SMYD3: variants seen among roughly 807,000 people sequenced by gnomAD.
SMYD3 encodes SET and MYND domain containing 3.
SMYD3 carries 36 observed loss-of-function variants against 57.7 expected under a neutral mutation model. The observed-to-expected ratio is 0.62, with a 90% confidence interval of 0.48 to 0.82. The LOEUF is 0.82. Ranked by LOEUF, SMYD3 falls within the 40% of genes least tolerant of loss-of-function variation. The pLI is 0.00. For synonymous variants in SMYD3, 211 were observed against 195.0 expected (o/e 1.08, Z -0.68); for missense variants, 515 against 538.8 (o/e 0.96, Z 0.44).
intron 5 of SMYD3, among the ~76,000 whole-genome samples, chr1:246,064,516 T>A (rs1343812295): frequency 6.6e-6 from 1 of 152,006 alleles, no homozygotes; most frequent in Non-Finnish European, 1.5e-5. Flanking sequence ...ACACAAATCT[T>A]CCCCAGATAT....
chr1:246,323,227 A>G (rs2065279972), intron 5 of SMYD3, among the ~76,000 whole-genome samples: 1 of 152,224 alleles, frequency 6.6e-6, no homozygotes, highest in Non-Finnish European at 1.5e-5. Flanking sequence ...CTATATAGAA[A>G]ACTCCACAAT....
At chr1:245,998,108 A>C (rs1173384190) in intron 5 of SMYD3, among the ~76,000 whole-genome samples, 2 of 152,060 alleles carry the variant, frequency 1.3e-5, no homozygotes, top group Admixed American at 1.3e-4. Flanking sequence ...AGATTCCAAA[A>C]TGTACAGTCA....
intron 5 of SMYD3, among the ~76,000 whole-genome samples, chr1:246,297,314 T>G (rs576604041): frequency 6.6e-6 from 1 of 152,104 alleles, no homozygotes; most frequent in Non-Finnish European, 1.5e-5. Context: ...CAACAATATA[T>G]GCCTCAGAGG....
intron 5 of SMYD3, among the ~76,000 whole-genome samples, chr1:246,147,995 G>A (rs929220009): frequency 1.3e-5 from 2 of 152,088 alleles, no homozygotes; most frequent in African/African-American, 2.4e-5. Context: ...TCTGATCTCC[G>A]ACCGGGGTTG....
chr1:245,836,633 C>A (rs541268714), intron 10 of SMYD3, among the ~76,000 whole-genome samples: 66 of 152,318 alleles, frequency 4.3e-4, no homozygotes, highest in Middle Eastern at 3.4e-3. Context: ...TGAAAGCTGG[C>A]CTTGCTTGTG....
intron 5 of SMYD3, among the ~76,000 whole-genome samples, chr1:246,079,228 A>G (rs183041292): frequency 1.3e-4 from 20 of 152,296 alleles, no homozygotes; most frequent in African/African-American, 4.6e-4. Flanking sequence ...CTTCATCCCA[A>G]TGAAGCTGAT....
intron 5 of SMYD3, among the ~76,000 whole-genome samples, chr1:246,134,830 T>G (rs1461822703): frequency 1.3e-5 from 2 of 151,986 alleles, no homozygotes; most frequent in African/African-American, 2.4e-5. Context: ...GACTCATTTT[T>G]AATTTCCACT....
intron 1 of SMYD3, among the ~76,000 whole-genome samples, chr1:246,482,812 C>T (rs915918822): frequency 3.3e-5 from 5 of 152,192 alleles, no homozygotes; most frequent in African/African-American, 9.7e-5. Flanking sequence ...ATATACTTCT[C>T]AGTAGGGGAA....
At chr1:246,316,364 T>G (rs1157301796) in intron 5 of SMYD3, among the ~76,000 whole-genome samples, 5 of 149,608 alleles carry the variant, frequency 3.3e-5, no homozygotes, top group African/African-American at 1.2e-4. Context: ...TTCATGGGTT[T>G]TTTTTTTTTT....
chr1:245,789,374 G>A (rs2047175037), intron 10 of SMYD3, among the ~76,000 whole-genome samples: 2 of 152,256 alleles, frequency 1.3e-5, no homozygotes, highest in South Asian at 4.2e-4. Context: ...GTATATTTCT[G>A]CACAGACTCA....
intron 2 of SMYD3, among the ~76,000 whole-genome samples, chr1:246,338,066 A>T (rs1198179720): frequency 6.6e-6 from 1 of 152,234 alleles, no homozygotes; most frequent in East Asian, 1.9e-4. Context: ...CATTTGCTTC[A>T]GCAAAAATAT....
intron 5 of SMYD3, among the ~76,000 whole-genome samples, chr1:246,222,799 A>T (rs936575357): frequency 6.6e-5 from 10 of 152,142 alleles, no homozygotes; most frequent in African/African-American, 2.2e-4. Context: ...CTCCTGAAGA[A>T]ATATACAGAA....
At chr1:246,155,512 G>A (rs2062008297) in intron 5 of SMYD3, among the ~76,000 whole-genome samples, 1 of 152,182 alleles carries the variant, frequency 6.6e-6, no homozygotes, top group Non-Finnish European at 1.5e-5. Context: ...TACAATAAAA[G>A]GTTATCAAAC....
At chr1:246,085,494 A>G (rs1318025346) in intron 5 of SMYD3, among the ~76,000 whole-genome samples, 2 of 152,190 alleles carry the variant, frequency 1.3e-5, no homozygotes, top group African/African-American at 4.8e-5. Flanking sequence ...AAAGGACCCT[A>G]ATGTGTGAGG....
intron 5 of SMYD3, among the ~76,000 whole-genome samples, chr1:245,944,475 G>A (rs940841379): frequency 3.9e-5 from 6 of 152,048 alleles, no homozygotes; most frequent in South Asian, 4.2e-4. Context: ...ATAAACCTCC[G>A]CTCAAGAAAA....
intron 5 of SMYD3, among the ~76,000 whole-genome samples, chr1:246,142,391 T>G (rs779410549): frequency 6.6e-6 from 1 of 152,204 alleles, no homozygotes; most frequent in Non-Finnish European, 1.5e-5. Flanking sequence ...ACTTTCACCT[T>G]TTCACTGAAG....
chr1:245,855,333 A>G (rs1003042908), intron 10 of SMYD3, among the ~76,000 whole-genome samples: 2 of 152,030 alleles, frequency 1.3e-5, no homozygotes, highest in African/African-American at 2.4e-5. Flanking sequence ...TGGGGGGGGA[A>G]TTTATAGCCC....
chr1:246,301,677 G>A (rs2064894106), intron 5 of SMYD3, among the ~76,000 whole-genome samples: 1 of 152,078 alleles, frequency 6.6e-6, no homozygotes, highest in African/African-American at 2.4e-5. Context: ...AATCCAGCTG[G>A]GGAGCAAATT....
intron 9 of SMYD3, among the ~76,000 whole-genome samples, chr1:245,863,228 C>CAGGCTA (rs1489767116): frequency 1.3e-5 from 2 of 152,248 alleles, no homozygotes; most frequent in African/African-American, 4.8e-5. Flanking sequence ...GCCCCTGACT[C>CAGGCTA]AGGCTATCTT....
Sources: gnomAD v4.1 joint callset for allele counts (sites outside exome capture counted in the v4.1 genomes callset) on GRCh38, gnomAD v4.1.1 for gene constraint, MANE v1.5 for transcripts, NCBI Gene and HGNC (gene_info 2026-07-23, HGNC 2026-07-21) for gene names.